The following FNBP1 variants were observed in gnomAD, a reference collection of about 807,000 sequenced individuals.
FNBP1 encodes the protein formin-binding protein 1.
Under a neutral mutation model 90.6 loss-of-function variants are expected in FNBP1, and 26 were observed. That is an observed-to-expected ratio of 0.29 (90% confidence interval 0.21 to 0.40). FNBP1 has a LOEUF of 0.40. FNBP1 is among the 10% of genes least tolerant of loss of function. The pLI is 1.00. For missense variants in FNBP1, 635 were observed against 768.0 expected (o/e 0.83, Z 2.05); for synonymous variants, 260 against 265.2 (o/e 0.98, Z 0.19).
chr9:129,958,433 A>C, intron 5 of FNBP1, 58 bp downstream of exon 5: 2 of 1,315,576 alleles, frequency 1.5e-6, no homozygotes, highest in Non-Finnish European at 2.0e-6. Flanking sequence ...CTCCGTCTCA[A>C]AAAAAAAGAA....
chr9:129,978,340 AT>A, intron 4 of FNBP1, 124 bp downstream of exon 4: 1 of 840,228 alleles, frequency 1.2e-6, no homozygotes, highest in Non-Finnish European at 1.8e-6. Context: ...CTTTTATATG[AT>A]TCTCAAAGGT....
intron 13 of FNBP1, among the ~76,000 whole-genome samples, chr9:129,901,975 G>A (rs2037038230): frequency 6.6e-6 from 1 of 152,168 alleles, no homozygotes. Context: ...ATTCTGACTG[G>A]TAGAATCGGT....
intron 4 of FNBP1, among the ~76,000 whole-genome samples, chr9:129,961,884 C>T (rs2047891630): frequency 6.6e-6 from 1 of 152,168 alleles, no homozygotes; most frequent in African/African-American, 2.4e-5. Flanking sequence ...CCGTGCCCGG[C>T]CCCTAAATCT....
At chr9:129,972,899 G>T (rs1051604251) in intron 4 of FNBP1, among the ~76,000 whole-genome samples, 1 of 152,222 alleles carries the variant, frequency 6.6e-6, no homozygotes, top group Non-Finnish European at 1.5e-5. Flanking sequence ...TACAGCAAGA[G>T]AAACTGGATA....
chr9:129,900,124 A>C lies in FNBP1; in HGVS notation c.1551-23T>G, dbSNP rs1357518472. The C allele has an allele frequency of 3.2e-6, 5 of 1,576,472 alleles. No homozygotes were observed. Among genetic ancestry groups the C allele is most frequent in the Non-Finnish European group, 4.3e-6 (5 of 1,161,412 alleles). Reference sequence around the variant, plus strand: ...GGGCTGCTCAAGAAAGGAAAACACAAAGCAACTAAAGCGACTGACCCCAGG... The same window carrying C: ...GGGCTGCTCAAGAAAGGAAAACACACAGCAACTAAAGCGACTGACCCCAGG... On this transcript the variant is annotated intron_variant, in intron 14 of 16. Coordinates refer to ENST00000446176, the MANE Select transcript of FNBP1 (RefSeq NM_015033.3). This position sits in a 1 kb window ranked among gnomAD's most constrained non-coding sequence, Gnocchi z 4.1.
chr9:129,911,064 G>A (rs186584608), intron 11 of FNBP1, among the ~76,000 whole-genome samples: 3 of 152,246 alleles, frequency 2.0e-5, no homozygotes, highest in East Asian at 1.9e-4. Flanking sequence ...ATTTCACCAC[G>A]TTGGTCAGGC....
chr9:129,895,790 T>G, intron 16 of FNBP1, 48 bp downstream of exon 16: 1 of 1,485,564 alleles, frequency 6.7e-7, no homozygotes, highest in Non-Finnish European at 8.9e-7. Context: ...ACAACTCCAT[T>G]TTTTTTAAGT....
At chr9:129,927,843 C>T (rs1269949312) in intron 7 of FNBP1, among the ~76,000 whole-genome samples, 1 of 147,522 alleles carries the variant, frequency 6.8e-6, no homozygotes, top group Non-Finnish European at 1.5e-5. Flanking sequence ...AGGCTGGTCT[C>T]CAACTCCTTA....
At chr9:129,959,553 C>T (rs527565078) in intron 4 of FNBP1, among the ~76,000 whole-genome samples, 56 of 152,180 alleles carry the variant, frequency 3.7e-4, no homozygotes, top group African/African-American at 1.3e-3. Flanking sequence ...CGTGCTAATG[C>T]ACTCCAGCTC....
intron 10 of FNBP1, among the ~76,000 whole-genome samples, chr9:129,918,583 T>G (rs554371732): frequency 1.9e-4 from 29 of 152,188 alleles, no homozygotes; most frequent in East Asian, 5.8e-4. Flanking sequence ...TAAATATATA[T>G]AGAGAGAAGC....
chr9:129,971,982 G>GT (rs1326012874), intron 4 of FNBP1, among the ~76,000 whole-genome samples: 1 of 152,174 alleles, frequency 6.6e-6, no homozygotes, highest in East Asian at 1.9e-4. Flanking sequence ...TTCTGCCGCT[G>GT]TATCAAATGG....
chr9:129,991,659 CTT>C (rs199704427), intron 2 of FNBP1, among the ~76,000 whole-genome samples: 5 of 138,932 alleles, frequency 3.6e-5, no homozygotes, highest in African/African-American at 5.2e-5. Flanking sequence ...TAGACATTTC[CTT>C]TTTTTTTTTT....
At chr9:130,043,331 T>G (rs1175010533), upstream of FNBP1, 2 of 182,514 alleles carry the variant, frequency 1.1e-5, no homozygotes, top group Non-Finnish European at 1.1e-5. Flanking sequence ...CCCGGCCGGG[T>G]CCGCGTCGCC....
upstream of FNBP1, among the ~76,000 whole-genome samples, chr9:130,047,106 G>A (rs1046157713): frequency 5.9e-5 from 9 of 152,076 alleles, no homozygotes; most frequent in Non-Finnish European, 5.9e-5. Context: ...GGCTGAGGCA[G>A]GTGAAGTGCG....
chr9:129,919,236 A>G (rs1414406733), intron 10 of FNBP1: 1 of 1,297,486 alleles, frequency 7.7e-7, no homozygotes, highest in South Asian at 1.2e-5. Flanking sequence ...AAACAGAAAG[A>G]CTGAGTCTGC....
At chr9:129,896,788 C>T (rs529356315) in intron 15 of FNBP1, among the ~76,000 whole-genome samples, 9 of 152,226 alleles carry the variant, frequency 5.9e-5, no homozygotes, top group Middle Eastern at 6.8e-3. Context: ...TGTGCCACCA[C>T]GCCCGGCTAA....
intron 2 of FNBP1, among the ~76,000 whole-genome samples, chr9:129,980,614 CTAAA>C (rs2051049011): frequency 6.9e-6 from 1 of 145,608 alleles, no homozygotes. Context: ...TGTTAAGAAT[CTAAA>C]TATTTTTCTT....
chr9:129,998,038 A>T (rs1235430022), intron 1 of FNBP1, among the ~76,000 whole-genome samples: 2 of 150,930 alleles, frequency 1.3e-5, no homozygotes, highest in African/African-American at 4.9e-5. Context: ...TCTACTAAAA[A>T]TACAAAAATT....
chr9:129,987,381 A>C (rs2052445779), intron 2 of FNBP1, among the ~76,000 whole-genome samples: 1 of 152,030 alleles, frequency 6.6e-6, no homozygotes, highest in South Asian at 2.1e-4. Flanking sequence ...GAACCCAGTC[A>C]TATAACTCAA....
Sources: allele counts gnomAD v4.1 joint callset (sites outside exome capture counted in the v4.1 genomes callset), GRCh38; gene constraint gnomAD v4.1.1; non-coding constraint Gnocchi (gnomAD v3.1); transcripts MANE v1.5; gene names NCBI Gene and HGNC (gene_info 2026-07-23, HGNC 2026-07-21).